The following SLIT2 variants were observed in gnomAD, a reference collection of about 807,000 sequenced individuals.
SLIT2 encodes slit homolog 2 protein.
Under a neutral mutation model 185.7 loss-of-function variants are expected in SLIT2, and 41 were observed. The ratio of observed to expected loss-of-function variants is 0.22; its 90% CI spans 0.17 to 0.29. The LOEUF (loss-of-function observed/expected upper bound fraction) is 0.29, where lower values mean the gene tolerates loss of function less well. Among genes scored for constraint, SLIT2 ranks in the 10% least tolerant of loss-of-function variants. The pLI, the probability that SLIT2 is intolerant of heterozygous loss-of-function variation, is 1.00. For missense variants in SLIT2, 1,571 were observed against 1,909.0 expected (o/e 0.82, Z 3.30); for synonymous variants, 693 against 680.2 (o/e 1.02, Z -0.29).
intron 4 of SLIT2, among the ~76,000 whole-genome samples, chr4:20,339,770 A>G (rs1484397549): frequency 1.3e-5 from 2 of 152,148 alleles, no homozygotes; most frequent in South Asian, 2.1e-4. Context: ...TTGGATTTCT[A>G]TCCTGAAGAC....
intron 4 of SLIT2, among the ~76,000 whole-genome samples, chr4:20,432,944 A>G (rs1339673227): frequency 1.3e-5 from 2 of 152,230 alleles, no homozygotes; most frequent in African/African-American, 2.4e-5. Flanking sequence ...AAATTCACAA[A>G]GATGATATTT....
intron 4 of SLIT2, among the ~76,000 whole-genome samples, chr4:20,361,182 G>A (rs978603647): frequency 6.6e-5 from 10 of 151,946 alleles, no homozygotes; most frequent in Non-Finnish European, 1.3e-4. Context: ...ATATCCTAAA[G>A]GTCTCCAGAA....
chr4:20,515,839 G>C (rs141773787), intron 11 of SLIT2, among the ~76,000 whole-genome samples: 1 of 151,720 alleles, frequency 6.6e-6, no homozygotes, highest in Non-Finnish European at 1.5e-5. Flanking sequence ...TTTTTGAGAC[G>C]GAGTCTCGCA....
chr4:20,561,120 G>C (rs1379126506), intron 26 of SLIT2, among the ~76,000 whole-genome samples: 1 of 151,784 alleles, frequency 6.6e-6, no homozygotes, highest in Non-Finnish European at 1.5e-5. Flanking sequence ...AACACAAAGA[G>C]GGGAGGAGGC....
At chr4:20,468,798 C>CT (rs1288564154) in intron 5 of SLIT2, among the ~76,000 whole-genome samples, 2 of 150,336 alleles carry the variant, frequency 1.3e-5, no homozygotes, top group Non-Finnish European at 3.0e-5. Context: ...AGGGCAGGCA[C>CT]TTTTTCAAGA....
intron 4 of SLIT2, among the ~76,000 whole-genome samples, chr4:20,352,646 G>A (rs1721978210): frequency 6.6e-6 from 1 of 152,196 alleles, no homozygotes. Flanking sequence ...GGATGTAGTG[G>A]CTCACGCCTG....
At chr4:20,566,435 A>G (rs922850705) in intron 26 of SLIT2, among the ~76,000 whole-genome samples, 2 of 152,078 alleles carry the variant, frequency 1.3e-5, no homozygotes, top group Non-Finnish European at 2.9e-5. Context: ...GGACAGTACA[A>G]TTTCCACATT....
intron 9 of SLIT2, among the ~76,000 whole-genome samples, chr4:20,496,635 A>G (rs914627163): frequency 2.0e-5 from 3 of 152,112 alleles, no homozygotes; most frequent in Non-Finnish European, 2.9e-5. Flanking sequence ...ATTATATACT[A>G]TTGTGTGTTT....
intron 3 of SLIT2, among the ~76,000 whole-genome samples, chr4:20,258,380 T>G (rs1306769588): frequency 6.6e-6 from 1 of 151,838 alleles, no homozygotes; most frequent in African/African-American, 2.4e-5. Flanking sequence ...ATATTTTATA[T>G]TTTACTAATA....
chr4:20,485,957 A>C (rs1256031854), intron 6 of SLIT2, among the ~76,000 whole-genome samples: 1 of 152,210 alleles, frequency 6.6e-6, no homozygotes, highest in Non-Finnish European at 1.5e-5. Flanking sequence ...GTAAATAGTC[A>C]AACATGCTAT....
intron 11 of SLIT2, among the ~76,000 whole-genome samples, chr4:20,511,593 T>TTTTTTTTTTAA (rs1553915384): frequency 7.4e-6 from 1 of 134,310 alleles, no homozygotes; most frequent in Non-Finnish European, 1.6e-5. Flanking sequence ...GCTAATTTTT[T>TTTTTTTTTTAA]TTTTTTTTTT....
intron 4 of SLIT2, among the ~76,000 whole-genome samples, chr4:20,447,679 C>T (rs1233663933): frequency 6.6e-6 from 1 of 152,088 alleles, no homozygotes; most frequent in East Asian, 1.9e-4. Flanking sequence ...TGGAAGAGCT[C>T]GGCATCCATA....
At chr4:20,485,765 T>C (rs928474143) in intron 6 of SLIT2, among the ~76,000 whole-genome samples, 1 of 152,224 alleles carries the variant, frequency 6.6e-6, no homozygotes, top group African/African-American at 2.4e-5. Flanking sequence ...GTATTGTTGC[T>C]ATGAGAAATC....
chr4:20,539,023 G>T (rs1351252207), intron 18 of SLIT2, among the ~76,000 whole-genome samples: 2 of 152,078 alleles, frequency 1.3e-5, no homozygotes, highest in Non-Finnish European at 2.9e-5. Context: ...ATCTGCAGTG[G>T]CTATTGATTC....
intron 4 of SLIT2, among the ~76,000 whole-genome samples, chr4:20,429,977 C>T (rs1381031331): frequency 6.6e-6 from 1 of 152,058 alleles, no homozygotes; most frequent in African/African-American, 2.4e-5. Context: ...ATTATATTTT[C>T]ATTTAGTGCT....
intron 2 of SLIT2, 83 bp from the exon 3 acceptor site, chr4:20,257,783 GTT>G: frequency 4.0e-6 from 3 of 742,978 alleles, no homozygotes; most frequent in Non-Finnish European, 7.2e-6. Flanking sequence ...AAGGGAAAGA[GTT>G]TACAAGTTTT....
intron 4 of SLIT2, among the ~76,000 whole-genome samples, chr4:20,413,902 C>T (rs1391722284): frequency 6.6e-6 from 1 of 151,798 alleles, no homozygotes; most frequent in Non-Finnish European, 1.5e-5. Flanking sequence ...TTATTTAATT[C>T]ATGTACTTTA....
chr4:20,286,587 A>G (rs1346910484), intron 4 of SLIT2, among the ~76,000 whole-genome samples: 2 of 152,116 alleles, frequency 1.3e-5, no homozygotes. Context: ...GAACACCTGA[A>G]GTCAGGAGTT....
At chr4:20,357,439 A>G (rs941126997) in intron 4 of SLIT2, among the ~76,000 whole-genome samples, 12 of 152,156 alleles carry the variant, frequency 7.9e-5, no homozygotes, top group Non-Finnish European at 1.5e-4. Flanking sequence ...AATAACAACA[A>G]CAAATTAGAG....
Sources: allele counts gnomAD v4.1 joint callset (sites outside exome capture counted in the v4.1 genomes callset), GRCh38; gene constraint gnomAD v4.1.1; transcripts MANE v1.5; gene names NCBI Gene and HGNC (gene_info 2026-07-23, HGNC 2026-07-21).